Variants in GRK7 observed in about 807,000 individuals in gnomAD.
The protein encoded by GRK7 is G protein-coupled receptor kinase 7.
GRK7 carries 24 observed loss-of-function variants against 34.1 expected under a neutral mutation model. That is an observed-to-expected ratio of 0.70 (90% CI 0.51 to 0.99). The LOEUF (loss-of-function observed/expected upper bound fraction) is 0.99, where lower values mean the gene tolerates loss of function less well. GRK7 is among the 50% of genes least tolerant of loss of function. GRK7 has a pLI of 0.00. For synonymous variants in GRK7, 256 were observed against 279.4 expected (o/e 0.92, Z 0.84); for missense variants, 644 against 707.3 (o/e 0.91, Z 1.02).
chr3:141,817,083 C>A lies in GRK7; in HGVS notation c.*33C>A. 1 of 1,482,366 alleles carries A rather than the reference C, an allele frequency of 6.7e-7. No individual in the cohort carries two copies. The highest frequency in any genetic ancestry group is 1.3e-5 in the South Asian group (1 of 78,848). The allele number at this position is 1,482,366 out of a possible 1,614,324, so 91.8% of individuals were successfully genotyped here. ...TCTTTACCAGACAGGCAGCAGGAGT[C>A]TCGGCTGACATAATCCTCGAATGTT... On this transcript the variant is annotated 3_prime_UTR_variant, in exon 6 of 6. Coordinates refer to ENST00000682958, the MANE Select transcript of GRK7 (RefSeq NM_139209.3).
At chr3:141,797,792 C>G (rs1285487227) in intron 4 of GRK7, among the ~76,000 whole-genome samples, 1 of 152,032 alleles carries the variant, frequency 6.6e-6, no homozygotes, top group Non-Finnish European at 1.5e-5. Context: ...AGGGAAGACA[C>G]GGCCGTTTCT....
In GRK7 at chr3:141,764,102, C is replaced by T. The variant is rs905325702; in HGVS notation, c.-1851C>T. Among the ~76,000 whole-genome samples the T allele has an allele frequency of 1.3e-5, 2 of 152,154 alleles. No homozygotes were observed. Among genetic ancestry groups the T allele is most frequent in the Non-Finnish European group, 2.9e-5 (2 of 68,028 alleles). On this transcript the variant is annotated 5_prime_UTR_variant, in exon 1 of 6. Transcript: ENST00000682958. ...TCTTCTTGCAGCCCCACAAATCACT[C>T]GCTGAGTTGCTAGCTCCCAGCTCTC...
At position 141,797,480 on chromosome 3, in the gene GRK7, G is replaced by A. The variant is rs549497413; in HGVS notation, c.1051-10165G>A. 2.9e-4 allele frequency among the ~76,000 whole-genome samples: 44 copies of A among 152,368 alleles called. No homozygotes were observed. The South Asian group carries it at 8.1e-3, about 28-fold the overall frequency. On this transcript the variant is annotated intron_variant, in intron 4 of 5. Coordinates refer to ENST00000682958, the MANE Select transcript of GRK7 (RefSeq NM_139209.3). ...CAAAGCGGCCAGGCCCCCCTCGGAGGAAGGAAGGAGAGAGCCCCAGGAAAC... is the reference window on the plus strand; with the variant it reads ...CAAAGCGGCCAGGCCCCCCTCGGAGAAAGGAAGGAGAGAGCCCCAGGAAAC...
intron 4 of GRK7, among the ~76,000 whole-genome samples, chr3:141,788,692 T>C (rs1202496211): frequency 1.3e-5 from 2 of 152,170 alleles, no homozygotes; most frequent in Admixed American, 6.5e-5. Context: ...TGAAGAGCAT[T>C]GGCCTGGGAG....
At chr3:141,759,455 C>A (rs2084545588), upstream of GRK7, among the ~76,000 whole-genome samples, 1 of 133,894 alleles carries the variant, frequency 7.5e-6, no homozygotes, top group Non-Finnish European at 1.6e-5. Flanking sequence ...TGCTGGATTA[C>A]ATTTATTGAT....
At chr3:141,773,550 C>T (rs974821023) in intron 1 of GRK7, among the ~76,000 whole-genome samples, 2 of 152,018 alleles carry the variant, frequency 1.3e-5, no homozygotes, top group African/African-American at 2.4e-5. Flanking sequence ...CTTGCTCTGT[C>T]GCCCAGGCTG....
rs1034234897 is a variant in GRK7 at position 141,778,919 on chromosome 3, G to A, written c.612+23G>A. ...GAGGTAAGTGTCTCCCAGTAGCCAG[G>A]CTAGAAGGTGAAGCATAGAGCATGA... On this transcript the variant is annotated intron_variant, in intron 3 of 5. Coordinates refer to ENST00000682958, the MANE Select transcript of GRK7 (RefSeq NM_139209.3). This position sits in a 1 kb window ranked among gnomAD's most constrained non-coding sequence, Gnocchi z 4.1. The A allele has an allele frequency of 6.3e-7, 1 of 1,585,308 alleles. No homozygotes were observed. The highest frequency in any genetic ancestry group is 1.2e-5 in the South Asian group (1 of 85,120).
At chr3:141,796,761 C>T (rs1487743267) in intron 4 of GRK7, among the ~76,000 whole-genome samples, 2 of 152,206 alleles carry the variant, frequency 1.3e-5, no homozygotes, top group African/African-American at 4.8e-5. Context: ...CTGAAGAACA[C>T]GCTCAAGTGA....
At chr3:141,804,665 A>G (rs996707799) in intron 4 of GRK7, among the ~76,000 whole-genome samples, 2 of 151,666 alleles carry the variant, frequency 1.3e-5, no homozygotes, top group Non-Finnish European at 2.9e-5. Context: ...ACACACATAC[A>G]CATGCACAGA....
rs372630036 is a variant in GRK7, at chr3:141,785,373, C to T, written c.1050+4562C>T. Reference sequence around the variant, plus strand: ...CCTCTGTTAAAAATCTCCTGGCTTGCGCTGGGTGTGGTGGCTCAGGCCTAA... The same window carrying T: ...CCTCTGTTAAAAATCTCCTGGCTTGTGCTGGGTGTGGTGGCTCAGGCCTAA... On this transcript the variant is annotated intron_variant, in intron 4 of 5. Coordinates refer to ENST00000682958, the MANE Select transcript of GRK7 (RefSeq NM_139209.3). 4.4e-4 allele frequency among the ~76,000 whole-genome samples: 67 copies of T among 152,336 alleles called. No homozygotes were observed. The East Asian group carries it at 0.012, about 26-fold the overall frequency.
intron 5 of GRK7, among the ~76,000 whole-genome samples, chr3:141,813,480 C>T (rs941921322): frequency 2.0e-5 from 3 of 152,170 alleles, no homozygotes; most frequent in Middle Eastern, 3.2e-3. Context: ...CCTCAAGGCT[C>T]TTAACCTACA....
At chr3:141,762,286 G>T (rs1011958252), upstream of GRK7, among the ~76,000 whole-genome samples, 284 of 152,022 alleles carry the variant, frequency 1.9e-3, no homozygotes, top group Middle Eastern at 0.014. Flanking sequence ...TGTACAGATG[G>T]GTTTTCGGTG....
In GRK7 at chr3:141,816,766, C is replaced by A. The variant is rs33928105; in HGVS notation, c.1378C>A (p.Pro460Thr). Reference protein sequence around the residue: ...KHHFFKTINFPRLEAGLIEPP... With the variant: ...KHHFFKTINFTRLEAGLIEPP... Reference sequence around the variant, plus strand: ...TCATTTCTTTAAAACGATCAACTTTCCTCGCCTGGAAGCTGGCCTAATTGA... The same window carrying A: ...TCATTTCTTTAAAACGATCAACTTTACTCGCCTGGAAGCTGGCCTAATTGA... The change falls in exon 6 of 6, where the codon CCT (proline) becomes ACT (threonine). Residue 460 changes from proline to threonine, a missense_variant. Physicochemically the swap from Pro to Thr is conservative, Grantham distance 38 (BLOSUM62 -1). Transcript: ENST00000682958. 0.12 allele frequency: 186,356 copies of A among 1,569,580 alleles called. 11,962 individuals carry two copies. The highest frequency in any genetic ancestry group is 0.14 in the Non-Finnish European group (156,814 of 1,157,904).
rs1029382469 is a variant in GRK7, at chr3:141,764,993, G to A, written c.-960G>A. 2.0e-5 allele frequency among the ~76,000 whole-genome samples: 3 copies of A among 151,482 alleles called. No individual in the cohort carries two copies. Among genetic ancestry groups the A allele is most frequent in the Admixed American group, 2.0e-4 (3 of 15,162 alleles). On this transcript the variant is annotated 5_prime_UTR_variant, in exon 1 of 6. Transcript: ENST00000682958. ...GGTTACTGCAGCAGCCTCCAGACTG[G>A]TTTTTCTGTTTTAACCCTTGCCCCT... is the stretch of plus-strand genomic sequence containing the variant.
the GRK7 span, among the ~76,000 whole-genome samples, chr3:141,754,432 C>CTTTTTTT: frequency 1.7e-5 from 2 of 119,602 alleles, no homozygotes; most frequent in African/African-American, 3.4e-5. Flanking sequence ...TCACCACTGT[C>CTTTTTTT]TTTTTTTTTT....
chr3:141,806,328 C>G (rs747594900), intron 4 of GRK7, among the ~76,000 whole-genome samples: 3 of 151,988 alleles, frequency 2.0e-5, no homozygotes, highest in Non-Finnish European at 4.4e-5. Flanking sequence ...TTTGGGAGGC[C>G]GAGGCGGGAG....
intron 1 of GRK7, among the ~76,000 whole-genome samples, chr3:141,771,918 C>G (rs1158061866): frequency 1.3e-5 from 2 of 151,762 alleles, no homozygotes; most frequent in Non-Finnish European, 2.9e-5. Flanking sequence ...CTCCTGACCT[C>G]AGGTGATCCA....
Position 141,778,894 on chromosome 3 carries a change from G to C in GRK7, c.610G>C (p.Glu204Gln), listed in dbSNP as rs747092764. The C allele has an allele frequency of 6.2e-7, 1 of 1,606,032 alleles. No homozygotes were observed. The highest frequency in any genetic ancestry group is 8.5e-7 in the Non-Finnish European group (1 of 1,176,730). ...FRVLGKGGFG[E>Q]VCAVQVKNTG... ...AGTGCTGGGGAAAGGTGGTTTTGGGGAGGTAAGTGTCTCCCAGTAGCCAGG... is the reference window on the plus strand; with the variant it reads ...AGTGCTGGGGAAAGGTGGTTTTGGGCAGGTAAGTGTCTCCCAGTAGCCAGG... The change falls in exon 3 of 6, where the codon GAG becomes CAG. Residue 204 changes from glutamate (E) to glutamine (Q), a missense_variant and splice_region_variant. Transcript: ENST00000682958. The surrounding 1 kb of genome is among the most constrained non-coding windows in gnomAD (Gnocchi z 4.1).
At chr3:141,810,993 T>G (rs1711087153) in intron 5 of GRK7, among the ~76,000 whole-genome samples, 1 of 152,090 alleles carries the variant, frequency 6.6e-6, no homozygotes, top group Admixed American at 6.6e-5. Flanking sequence ...AACACCCACT[T>G]GGATGCCTCA....
Sources: gnomAD v4.1 joint callset for allele counts (sites outside exome capture counted in the v4.1 genomes callset) on GRCh38, gnomAD v4.1.1 for gene constraint, Gnocchi (gnomAD v3.1) non-coding constraint, MANE v1.5 for transcripts, NCBI Gene and HGNC (gene_info 2026-07-23, HGNC 2026-07-21) for gene names.